MLLT10: variants seen among roughly 807,000 people sequenced by gnomAD.
The protein encoded by MLLT10 is protein AF-10.
In MLLT10, 30 loss-of-function variants were observed where a neutral mutation model predicts 129.1. The ratio of observed to expected loss-of-function variants is 0.23; its 90% CI spans 0.17 to 0.32. The LOEUF (loss-of-function observed/expected upper bound fraction) is 0.32. Ranked by LOEUF, MLLT10 falls within the 10% of genes least tolerant of loss-of-function variation. The probability of loss-of-function intolerance (pLI) is 1.00; values close to 1 mark genes in which losing one functional copy is unlikely to be tolerated. For synonymous variants in MLLT10, 490 were observed against 446.4 expected (o/e 1.10, Z -1.23); for missense variants, 1,119 against 1,268.3 (o/e 0.88, Z 1.79).
intron 8 of MLLT10, chr10:21,626,252 GCT>G: frequency 6.4e-7 from 1 of 1,557,912 alleles, no homozygotes; most frequent in East Asian, 2.2e-5. Context: ...AGCATCAATT[GCT>G]CTTTCATCAA....
At position 21,630,004 on chromosome 10, in the gene MLLT10, AAGGG is replaced by A. The variant is rs1288970368; in HGVS notation, c.699+12801_699+12804del. ...AAAAGAATCTCAGATTTGAAGACAA[AAGGG>A]AGGAGGCAGGAAAAATGATACTATG... On this transcript the variant is annotated intron_variant, in intron 8 of 22. Transcript: ENST00000307729. Among the ~76,000 whole-genome samples, 3 of 152,158 alleles carry A rather than the reference AAGGG, an allele frequency of 2.0e-5. No homozygotes were observed. The South Asian group carries it at 6.2e-4, about 32-fold the overall frequency.
chr10:21,732,847 T>C (rs1181289815), intron 17 of MLLT10, 52 bp from the exon 18 acceptor site: 2 of 1,458,112 alleles, frequency 1.4e-6, no homozygotes, highest in East Asian at 4.7e-5. Flanking sequence ...GTAAAATACT[T>C]AGTCTTATGT....
chr10:21,560,125 T>C (rs1174391906), intron 3 of MLLT10, among the ~76,000 whole-genome samples: 1 of 152,042 alleles, frequency 6.6e-6, no homozygotes, highest in East Asian at 1.9e-4. Context: ...CCTGCCTCAG[T>C]CTCCTGAGTA....
chr10:21,558,779 A>G (rs1178117804), intron 3 of MLLT10, among the ~76,000 whole-genome samples: 1 of 152,182 alleles, frequency 6.6e-6, no homozygotes, highest in African/African-American at 2.4e-5. Flanking sequence ...GCACTATGTC[A>G]TAAATCAGCT....
intron 5 of MLLT10, among the ~76,000 whole-genome samples, chr10:21,608,174 CT>C (rs780185081): frequency 1.7e-3 from 232 of 139,616 alleles, no homozygotes; most frequent in Middle Eastern, 3.6e-3. Context: ...TTATTTTTGG[CT>C]TTTTTTTTTT....
chr10:21,638,129 A>G (rs1403757881), intron 8 of MLLT10, among the ~76,000 whole-genome samples: 1 of 151,472 alleles, frequency 6.6e-6, no homozygotes, highest in South Asian at 2.1e-4. Context: ...TACCTTTTGC[A>G]CTTATGGATG....
At chr10:21,708,608 G>C in intron 13 of MLLT10, 1 of 984,706 alleles carries the variant, frequency 1.0e-6, no homozygotes, top group Non-Finnish European at 1.2e-6. Context: ...ACCAGATATT[G>C]TTTCAAAGTG....
At chr10:21,695,359 G>C (rs2054265244) in intron 13 of MLLT10, among the ~76,000 whole-genome samples, 1 of 152,094 alleles carries the variant, frequency 6.6e-6, no homozygotes, top group Admixed American at 6.5e-5. Context: ...CAGATAATTT[G>C]TTTCCAAGTC....
intron 13 of MLLT10, among the ~76,000 whole-genome samples, chr10:21,708,433 G>T (rs755406043): frequency 5.9e-5 from 9 of 152,206 alleles, no homozygotes; most frequent in Non-Finnish European, 1.3e-4. Flanking sequence ...ATTTAAGGTG[G>T]ATGTTGTACC....
chr10:21,573,484 T>C (rs1349889202), intron 3 of MLLT10, among the ~76,000 whole-genome samples: 2 of 152,208 alleles, frequency 1.3e-5, no homozygotes, highest in Non-Finnish European at 1.5e-5. Flanking sequence ...TCTCAAAAGC[T>C]TTTTCTGTAT....
At chr10:21,585,128 C>T (rs890105673) in intron 3 of MLLT10, among the ~76,000 whole-genome samples, 5 of 151,782 alleles carry the variant, frequency 3.3e-5, no homozygotes, top group Admixed American at 1.3e-4. Context: ...TTTGCCGTGT[C>T]GCCCAGGCTG....
At chr10:21,708,445 G>A (rs1802906820) in intron 13 of MLLT10, 16 of 410,818 alleles carry the variant, frequency 3.9e-5, no homozygotes, top group Non-Finnish European at 4.9e-5. Flanking sequence ...TGTTGTACCA[G>A]TCCTACCTGA....
intron 9 of MLLT10, among the ~76,000 whole-genome samples, chr10:21,665,570 G>A (rs914737201): frequency 3.3e-5 from 5 of 152,108 alleles, no homozygotes; most frequent in Admixed American, 1.3e-4. Flanking sequence ...TTACAGGTGT[G>A]AGCCACTGCG....
At chr10:21,646,217 A>G (rs1038825518) in intron 8 of MLLT10, among the ~76,000 whole-genome samples, 3 of 152,134 alleles carry the variant, frequency 2.0e-5, no homozygotes, top group African/African-American at 7.2e-5. Context: ...AAAAGAAAAC[A>G]AAAACAAAAA....
chr10:21,690,109 G>T (rs1039528665), intron 13 of MLLT10, among the ~76,000 whole-genome samples: 1 of 152,012 alleles, frequency 6.6e-6, no homozygotes, highest in Admixed American at 6.6e-5. Context: ...TCTGAGACTA[G>T]TATAGGCTGA....
Position 21,541,600 on chromosome 10 carries a change from G to A in MLLT10, c.240+2688G>A, listed in dbSNP as rs139866693. Among the ~76,000 whole-genome samples the A allele has an allele frequency of 8.1e-3, 1,227 of 152,208 alleles. 13 individuals are homozygous for A. The highest frequency in any genetic ancestry group is 0.028 in the African/African-American group (1,155 of 41,518). The stretch of plus-strand genomic sequence containing the variant: ...GGGGTTTCACCATGTTGGCCAGGCT[G>A]GTCTCGATCTCCTGACCTCAGGTGA... On this transcript the variant is annotated intron_variant, in intron 3 of 22. Transcript: ENST00000307729.
At chr10:21,583,623 A>G (rs2041691063) in intron 3 of MLLT10, among the ~76,000 whole-genome samples, 1 of 152,152 alleles carries the variant, frequency 6.6e-6, no homozygotes, top group African/African-American at 2.4e-5. Flanking sequence ...GGCAGTGGGA[A>G]TGGGGACCAG....
At chr10:21,602,026 CTG>C (rs1234129505) in intron 5 of MLLT10, among the ~76,000 whole-genome samples, 1 of 152,148 alleles carries the variant, frequency 6.6e-6, no homozygotes, top group Non-Finnish European at 1.5e-5. Context: ...TTTGAGAAAT[CTG>C]TGATTCTACA....
At chr10:21,690,204 G>A (rs1247024332) in intron 13 of MLLT10, among the ~76,000 whole-genome samples, 1 of 151,948 alleles carries the variant, frequency 6.6e-6, no homozygotes, top group Non-Finnish European at 1.5e-5. Flanking sequence ...AGGAGATTAA[G>A]GATTAAGATT....
Sources: gnomAD v4.1 joint callset for allele counts (sites outside exome capture counted in the v4.1 genomes callset) on GRCh38, gnomAD v4.1.1 for gene constraint, MANE v1.5 for transcripts, NCBI Gene and HGNC (gene_info 2026-07-23, HGNC 2026-07-21) for gene names.